IFNAR1: variants seen among roughly 807,000 people sequenced by gnomAD.
IFNAR1 encodes the protein interferon alpha and beta receptor subunit 1.
In IFNAR1, 47 loss-of-function variants were observed where a neutral mutation model predicts 62.1. The observed-to-expected ratio is 0.76, with a 90% CI of 0.60 to 0.97. IFNAR1 has a LOEUF of 0.97. Ranked by LOEUF, IFNAR1 falls within the 50% of genes least tolerant of loss-of-function variation. IFNAR1 has a pLI of 0.00. For missense variants in IFNAR1, 638 were observed against 654.5 expected (o/e 0.97, Z 0.27); for synonymous variants, 219 against 226.9 (o/e 0.97, Z 0.31).
chr21:33,337,998 AC>A (rs2083258875), intron 2 of IFNAR1, among the ~76,000 whole-genome samples: 1 of 152,342 alleles, frequency 6.6e-6, no homozygotes, highest in African/African-American at 2.4e-5. Context: ...GTATAAAGAA[AC>A]TATTTGCAAA....
chr21:33,352,697 A>C (rs2083410532), intron 8 of IFNAR1, 61 bp from the exon 9 acceptor site: 1 of 891,884 alleles, frequency 1.1e-6, no homozygotes. Flanking sequence ...TTGAGAAAGC[A>C]CATATTCCCT....
Position 33,353,741 on chromosome 21 carries a change from T to C in IFNAR1, c.1398T>C (p.Tyr466=), listed in dbSNP as rs747399597. ...AAGTCTTCTTGAGATGCATCAATTATGTCTTCTTTCCATCACTTAAACCTT... is the reference window on the plus strand; with the variant it reads ...AAGTCTTCTTGAGATGCATCAATTACGTCTTCTTTCCATCACTTAAACCTT... ...AAKVFLRCIN[Y]VFFPSLKPSS... The change falls in exon 10 of 11, where the codon TAT becomes TAC. Residue 466 remains tyrosine, a synonymous_variant. Coordinates refer to ENST00000270139, the MANE Select transcript of IFNAR1 (RefSeq NM_000629.3). The C allele has an allele frequency of 1.3e-6, 2 of 1,591,076 alleles. No individual in the cohort carries two copies. The highest frequency in any genetic ancestry group is 1.2e-5 in the South Asian group (1 of 86,826).
At chr21:33,331,393 A>C (rs2083179122) in intron 1 of IFNAR1, among the ~76,000 whole-genome samples, 1 of 152,162 alleles carries the variant, frequency 6.6e-6, no homozygotes, top group Non-Finnish European at 1.5e-5. Flanking sequence ...TGCCCTGGCC[A>C]AACCGAGCAG....
chr21:33,355,914 G>A lies in IFNAR1; in HGVS notation c.*365G>A, dbSNP rs896564502. On this transcript the variant is annotated 3_prime_UTR_variant, in exon 11 of 11. Transcript: ENST00000270139. ...GCCTGTTGTCTTAGCTACTCAGGAGGCTGAGGCAGGAGAATCGCTTGAAAA... is the reference window on the plus strand; with the variant it reads ...GCCTGTTGTCTTAGCTACTCAGGAGACTGAGGCAGGAGAATCGCTTGAAAA... The A allele has an allele frequency of 6.5e-5, 10 of 154,890 alleles. No homozygotes were observed. Among genetic ancestry groups the A allele is most frequent in the African/African-American group, 2.4e-4 (10 of 41,426 alleles). The allele number at this position is 154,890 out of a possible 1,614,324, so 9.6% of individuals were successfully genotyped here.
At chr21:33,345,782 T>G (rs1484447070) in intron 6 of IFNAR1, among the ~76,000 whole-genome samples, 2 of 152,256 alleles carry the variant, frequency 1.3e-5, no homozygotes, top group African/African-American at 4.8e-5. Context: ...AAAATTAGCC[T>G]TCCTATTTTC....
chr21:33,339,944 A>G (rs2083278787), intron 2 of IFNAR1, among the ~76,000 whole-genome samples: 1 of 151,430 alleles, frequency 6.6e-6, no homozygotes, highest in Non-Finnish European at 1.5e-5. Flanking sequence ...AAAAAAAAAA[A>G]AAAAAAGAAA....
intron 1 of IFNAR1, among the ~76,000 whole-genome samples, chr21:33,326,817 G>A (rs948700098): frequency 6.6e-6 from 1 of 151,734 alleles, no homozygotes; most frequent in African/African-American, 2.4e-5. Context: ...AATAATAAAA[G>A]AAAAATACAA....
At chr21:33,333,199 A>G (rs2083197815) in intron 1 of IFNAR1, among the ~76,000 whole-genome samples, 1 of 152,232 alleles carries the variant, frequency 6.6e-6, no homozygotes, top group Admixed American at 6.5e-5. Flanking sequence ...GGATGGGATG[A>G]TATACTCAAA....
In IFNAR1 at chr21:33,345,228, C is replaced by T. The variant is rs1221867896; in HGVS notation, c.674-18C>T. On this transcript the variant is annotated intron_variant, in intron 5 of 10. Transcript: ENST00000270139. ...AGTAAAAATGTGTGCTTTTTTTTAT[C>T]TGTTCTTTGGCTTCTAGTTGAAAAT... 2.5e-6 allele frequency: 3 copies of T among 1,189,234 alleles called. No homozygotes were observed. Among genetic ancestry groups the T allele is most frequent in the East Asian group, 2.3e-5 (1 of 42,818 alleles). The allele number at this position is 1,189,234 out of a possible 1,614,324, so 73.7% of individuals were successfully genotyped here.
In IFNAR1 at chr21:33,356,039, A is replaced by AC; in HGVS notation, c.*490_*491insC. The AC allele has an allele frequency of 6.6e-6, 1 of 152,400 alleles. No homozygotes were observed. The highest frequency in any genetic ancestry group is 1.9e-4 in the East Asian group (1 of 5,188). The allele number at this position is 152,400 out of a possible 1,614,324, so 9.4% of individuals were successfully genotyped here. A position where few individuals can be genotyped will look rare whatever the true frequency, so the allele number is the denominator to read the frequency against. On this transcript the variant is annotated 3_prime_UTR_variant, in exon 11 of 11. Transcript: ENST00000270139. Reference sequence around the variant, plus strand: ...AAAAAGAAATTAAAAGAGTTGAGACAAACGTTTCCTACATTCTTTTCCATG... The same window carrying AC: ...AAAAAGAAATTAAAAGAGTTGAGACACAACGTTTCCTACATTCTTTTCCATG...
At chr21:33,334,034 T>C (rs1160176634) in intron 1 of IFNAR1, among the ~76,000 whole-genome samples, 2 of 152,174 alleles carry the variant, frequency 1.3e-5, no homozygotes, top group Non-Finnish European at 2.9e-5. Flanking sequence ...TTGCTATACT[T>C]ATGTCAGATT....
chr21:33,351,192 T>C (rs750369443), intron 8 of IFNAR1, among the ~76,000 whole-genome samples: 37 of 152,182 alleles, frequency 2.4e-4, no homozygotes, highest in Non-Finnish European at 4.3e-4. Flanking sequence ...CCGGATTATG[T>C]GATTGGTTAC....
chr21:33,349,451 G>T lies in IFNAR1; in HGVS notation c.1051G>T (p.Gly351Cys), dbSNP rs139423088. ...SLSDSFHIYI[G>C]APKQSGNTPV... ...TAGTGATTCATTCCATATCTATATC[G>T]GTGCTCCAAAACAGTCTGGAAACAC... is the stretch of plus-strand genomic sequence containing the variant. Residue 351 changes from glycine to cysteine, a missense_variant, in exon 8 of 11, where the codon GGT (glycine) becomes TGT (cysteine). By Grantham distance (159) the Gly-to-Cys change is radical (BLOSUM62 -3). Coordinates refer to ENST00000270139, the MANE Select transcript of IFNAR1 (RefSeq NM_000629.3). 5 of 1,610,544 alleles carry T rather than the reference G, an allele frequency of 3.1e-6. No homozygotes were observed. The highest frequency in any genetic ancestry group is 4.2e-6 in the Non-Finnish European group (5 of 1,177,172).
At chr21:33,334,895 T>C in intron 1 of IFNAR1, 3 of 1,441,602 alleles carry the variant, frequency 2.1e-6, no homozygotes, top group Non-Finnish European at 2.9e-6. Flanking sequence ...TGAGATACAC[T>C]ATACTTTCCC....
In IFNAR1 at chr21:33,353,802, T is replaced by C. The variant is rs372142922; in HGVS notation, c.1440+19T>C. 76 of 1,516,400 alleles carry C rather than the reference T, an allele frequency of 5.0e-5. No homozygotes were observed. Among genetic ancestry groups the C allele is most frequent in the Non-Finnish European group, 6.2e-5 (70 of 1,122,982 alleles). The allele number at this position is 1,516,400 out of a possible 1,614,324, so 93.9% of individuals were successfully genotyped here. A position where few individuals can be genotyped will look rare whatever the true frequency, so the allele number is the denominator to read the frequency against. Reference sequence around the variant, plus strand: ...AGATGAGGTATGTTACTTTTTTTATTTTTTTGTCAACAGCTAGGTAATGAA... The same window carrying C: ...AGATGAGGTATGTTACTTTTTTTATCTTTTTGTCAACAGCTAGGTAATGAA... On this transcript the variant is annotated intron_variant, in intron 10 of 10. Coordinates refer to ENST00000270139, the MANE Select transcript of IFNAR1 (RefSeq NM_000629.3).
intron 8 of IFNAR1, among the ~76,000 whole-genome samples, chr21:33,351,552 A>T (rs199679302): frequency 0.074 from 10,265 of 138,494 alleles, 749 homozygotes; most frequent in African/African-American, 0.19. Context: ...ATTTTATTTT[A>T]TTTTTTTTTT....
In IFNAR1 at chr21:33,347,214, C is replaced by T. The variant is rs4817561; in HGVS notation, c.788+1854C>T. On this transcript the variant is annotated intron_variant, in intron 6 of 10. Transcript: ENST00000270139. ...ACATGATCTCAGCTCACTGCAACCT[C>T]CGCGTCCTGGGTTCAAGTGATTCTT... Among the ~76,000 whole-genome samples the T allele has an allele frequency of 9.1e-3, 1,377 of 151,976 alleles. 58 individuals carry two copies. Among genetic ancestry groups the T allele is most frequent in the Admixed American group, 0.071 (1,085 of 15,262 alleles).
intron 1 of IFNAR1, chr21:33,334,717 G>A: frequency 1.2e-6 from 1 of 831,854 alleles, no homozygotes; most frequent in Non-Finnish European, 2.1e-6. Flanking sequence ...CCTGACCCCA[G>A]TGTCAAGTGA....
chr21:33,343,946 A>G (rs2083319328), intron 5 of IFNAR1, among the ~76,000 whole-genome samples: 1 of 152,232 alleles, frequency 6.6e-6, no homozygotes. Context: ...ACTTGAAGCC[A>G]GAAGTTCGAG....
Sources: allele counts gnomAD v4.1 joint callset (sites outside exome capture counted in the v4.1 genomes callset), GRCh38; gene constraint gnomAD v4.1.1; transcripts MANE v1.5; gene names NCBI Gene and HGNC (gene_info 2026-07-23, HGNC 2026-07-21).